The following VPS35 variants were observed in gnomAD, a reference collection of about 807,000 sequenced individuals.
VPS35 encodes the protein vacuolar protein sorting-associated protein 35.
In VPS35, 21 loss-of-function variants were observed where a neutral mutation model predicts 98.1. That is an observed-to-expected ratio of 0.21 (90% CI 0.15 to 0.31). The LOEUF (loss-of-function observed/expected upper bound fraction) is 0.31, where lower values mean the gene tolerates loss of function less well. Ranked by LOEUF, VPS35 falls within the 10% of genes least tolerant of loss-of-function variation. The pLI, the probability that VPS35 is intolerant of heterozygous loss-of-function variation, is 1.00. For synonymous variants in VPS35, 268 were observed against 318.2 expected (o/e 0.84, Z 1.68); for missense variants, 554 against 950.8 (o/e 0.58, Z 5.49).
chr16:46,681,358 C>T lies in VPS35; in HGVS notation c.323+19G>A, dbSNP rs1417149582. 6.2e-7 allele frequency: 1 copy of T among 1,613,224 alleles called. No individual in the cohort carries two copies. The highest frequency in any genetic ancestry group is 1.1e-5 in the South Asian group (1 of 90,996). The stretch of plus-strand genomic sequence containing the variant: ...TGAGAAATACAGACACAAAAGTTCT[C>T]TGATTTGTAATTACTTACAGCCTTG... On this transcript the variant is annotated intron_variant, in intron 4 of 16. Transcript: ENST00000299138.
chr16:46,689,082 G>A, intron 1 of VPS35, 49 bp downstream of exon 1: 1 of 1,598,194 alleles, frequency 6.3e-7, no homozygotes, highest in Non-Finnish European at 8.5e-7. Flanking sequence ...GAGAGAGCAG[G>A]GGCTACAAGG....
At chr16:46,669,220 A>C in intron 12 of VPS35, 168 bp from the exon 13 acceptor site, 2 of 847,112 alleles carry the variant, frequency 2.4e-6, no homozygotes, top group Non-Finnish European at 3.8e-6. Flanking sequence ...TTGTCACAAC[A>C]ACCCAGAGAC....
rs769692526 is a variant in VPS35 at position 46,674,418 on chromosome 16, G to A, written c.1056C>T (p.Val352=). ...MPSEDVVSLQ[V]SLINLAMKCY... is the part of the protein sequence containing the mutation. ...ATTTCATGGCAAGATTAATCAGAGA[G>A]ACTTGTAAAGATACAACATCCTCTG... The change falls in exon 10 of 17, where the codon GTC becomes GTT. Residue 352 remains valine (V), a synonymous_variant. Transcript: ENST00000299138. 8.1e-6 allele frequency: 13 copies of A among 1,613,676 alleles called. No homozygotes were observed. The highest frequency in any genetic ancestry group is 1.0e-5 in the Non-Finnish European group (12 of 1,179,824).
At chr16:46,683,914 G>A (rs1403708792) in intron 1 of VPS35, among the ~76,000 whole-genome samples, 1 of 152,040 alleles carries the variant, frequency 6.6e-6, no homozygotes, top group Admixed American at 6.6e-5. Context: ...TTTTAGTAGA[G>A]ACGGGGTTTC....
chr16:46,677,973 G>C (rs763417915), intron 6 of VPS35, among the ~76,000 whole-genome samples: 2 of 152,100 alleles, frequency 1.3e-5, no homozygotes, highest in Non-Finnish European at 2.9e-5. Flanking sequence ...CAAGGTTCAG[G>C]GTTTTTTGTT....
rs555956898 is a variant in VPS35, at chr16:46,658,887, A to G, written c.*1585T>C. ...GGTTAAGTGATGTAGTCATTTGAAA[A>G]TGTCTATAAATTTTCCCTTTAAGAG... On this transcript the variant is annotated 3_prime_UTR_variant, in exon 17 of 17. Transcript: ENST00000299138. 6.6e-6 allele frequency: 1 copy of G among 152,336 alleles called. No individual in the cohort carries two copies. Among genetic ancestry groups the G allele is most frequent in the Non-Finnish European group, 1.5e-5 (1 of 68,036 alleles). The allele number at this position is 152,336 out of a possible 1,614,324, so 9.4% of individuals were successfully genotyped here. A position where few individuals can be genotyped will look rare whatever the true frequency, so the allele number is the denominator to read the frequency against.
At chr16:46,662,628 C>A in intron 14 of VPS35, 146 bp from the exon 15 acceptor site, 1 of 1,306,596 alleles carries the variant, frequency 7.7e-7, no homozygotes, top group Non-Finnish European at 1.1e-6. Flanking sequence ...TTGAGAGCCA[C>A]AGGACACAAC....
At chr16:46,686,103 C>T (rs1414243452) in intron 1 of VPS35, among the ~76,000 whole-genome samples, 1 of 152,100 alleles carries the variant, frequency 6.6e-6, no homozygotes, top group Non-Finnish European at 1.5e-5. Context: ...TTTGACTACT[C>T]TATATACTTC....
Position 46,683,357 on chromosome 16 carries a change from A to G in VPS35, c.102+151T>C, listed in dbSNP as rs1966261668. ...CAGGGCTCTTTGTTGAAATTGCTCCACAAAGTGCTTGAGGGAGATGAGACT... is the reference window on the plus strand; with the variant it reads ...CAGGGCTCTTTGTTGAAATTGCTCCGCAAAGTGCTTGAGGGAGATGAGACT... On this transcript the variant is annotated intron_variant, in intron 2 of 16. Transcript: ENST00000299138. The G allele has an allele frequency of 4.0e-6, 3 of 752,254 alleles. No homozygotes were observed. The South Asian group carries it at 4.7e-5, about 12-fold the overall frequency. The allele number at this position is 752,254 out of a possible 1,614,324, so 46.6% of individuals were successfully genotyped here.
chr16:46,661,511 T>G lies in VPS35; in HGVS notation c.2211+207A>C. On this transcript the variant is annotated intron_variant, in intron 16 of 16. Transcript: ENST00000299138. The surrounding 1 kb of genome is among the most constrained non-coding windows in gnomAD (Gnocchi z 4.3). ...TCCCAAAGTGCTGGGATTACAGGCATGAGCCACCACGCCCAGCCTAGGAAT... is the reference window on the plus strand; with the variant it reads ...TCCCAAAGTGCTGGGATTACAGGCAGGAGCCACCACGCCCAGCCTAGGAAT... 8.0e-6 allele frequency: 4 copies of G among 497,348 alleles called. No individual in the cohort carries two copies. Among genetic ancestry groups the G allele is most frequent in the Non-Finnish European group, 1.4e-5 (4 of 287,192 alleles). 30.8% of individuals were successfully genotyped at this position (497,348 alleles called of 1,614,324 possible).
intron 8 of VPS35, among the ~76,000 whole-genome samples, chr16:46,675,750 C>T (rs1443222419): frequency 1.3e-5 from 2 of 152,130 alleles, no homozygotes; most frequent in Admixed American, 1.3e-4. Context: ...TCATATACTA[C>T]TACATAACAT....
intron 2 of VPS35, 60 bp downstream of exon 2, chr16:46,683,448 G>T: frequency 1.4e-6 from 2 of 1,476,424 alleles, no homozygotes; most frequent in Non-Finnish European, 1.9e-6. Context: ...AGAAGACACT[G>T]CACATGCTTC....
rs545490118 is a variant in VPS35, at chr16:46,659,092, G to A, written c.*1380C>T. The A allele has an allele frequency of 2.0e-5, 3 of 152,456 alleles. No homozygotes were observed. The East Asian group carries it at 5.8e-4, about 29-fold the overall frequency. 9.4% of individuals were successfully genotyped at this position (152,456 alleles called of 1,614,324 possible). On this transcript the variant is annotated 3_prime_UTR_variant, in exon 17 of 17. Transcript: ENST00000299138. ...CACCATGCTGTGAGGACACTCTATG[G>A]AAGGGCCGTCAAGGAGAGGAACTGG...
chr16:46,681,950 G>A (rs1966241540), intron 3 of VPS35, 129 bp downstream of exon 3: 1 of 703,300 alleles, frequency 1.4e-6, no homozygotes, highest in Non-Finnish European at 2.6e-6. Context: ...CATGGAGAAG[G>A]AGTGCCATGT....
Position 46,674,597 on chromosome 16 carries a change from A to G in VPS35, c.978T>C (p.Asp326=), listed in dbSNP as rs756040992. Residue 326 remains aspartate (D), a synonymous_variant, in exon 9 of 17, where the codon GAT becomes GAC. Transcript: ENST00000299138. ...CTGTAGCCACCTGCTGTGAAAATATATCAAAAAGTTTAATATCCGCTGGGA... is the reference window on the plus strand; with the variant it reads ...CTGTAGCCACCTGCTGTGAAAATATGTCAAAAAGTTTAATATCCGCTGGGA... The part of the protein sequence containing the change: ...PGIPADIKLF[D]IFSQQVATVI... 3 of 1,612,718 alleles carry G rather than the reference A, an allele frequency of 1.9e-6. No homozygotes were observed. The East Asian group carries it at 6.7e-5, about 36-fold the overall frequency.
At chr16:46,669,882 A>T (rs531642671) in intron 12 of VPS35, among the ~76,000 whole-genome samples, 1 of 152,322 alleles carries the variant, frequency 6.6e-6, no homozygotes, top group African/African-American at 2.4e-5. Context: ...CACAAGGCAT[A>T]AGCTCAGTAA....
At chr16:46,679,297 T>A (rs748556717) in intron 5 of VPS35, 141 bp from the exon 6 acceptor site, 80 of 806,104 alleles carry the variant, frequency 9.9e-5, no homozygotes, top group Non-Finnish European at 1.4e-4. Context: ...TGGCTTAGTG[T>A]TAAATTTCAA....
In VPS35 at chr16:46,660,551, T is replaced by C; in HGVS notation, c.2312A>G (p.His771Arg). 1 of 1,614,128 alleles carries C rather than the reference T, an allele frequency of 6.2e-7. No homozygotes were observed. The highest frequency in any genetic ancestry group is 8.5e-7 in the Non-Finnish European group (1 of 1,180,034). Residue 771 changes from histidine (H) to arginine (R), a missense_variant, in exon 17 of 17, where the codon CAT (histidine) becomes CGT (arginine). By Grantham distance (29) the His-to-Arg change is conservative. Around this residue, in one of 5 missense-constraint regions of VPS35, gnomAD observed 153 missense variants for 211.0 expected, o/e 0.73. Transcript: ENST00000299138. ...EETEQINKHF[H>R]NTLEHLRLRR... is the part of the protein sequence containing the mutation. ...CAAGCGCAAATGCTCCAGTGTGTTATGAAAATGTTTGTTAATCTGCTCTGT... is the reference window on the plus strand; with the variant it reads ...CAAGCGCAAATGCTCCAGTGTGTTACGAAAATGTTTGTTAATCTGCTCTGT...
In VPS35 at chr16:46,656,331, T is replaced by C. The variant is rs1259692768; in HGVS notation, c.*4141A>G. 2.0e-5 allele frequency: 3 copies of C among 152,228 alleles called. No individual in the cohort carries two copies. The highest frequency in any genetic ancestry group is 7.2e-5 in the African/African-American group (3 of 41,456). The allele number at this position is 152,228 out of a possible 1,614,324, so 9.4% of individuals were successfully genotyped here. ...ATGGACTTTAGTTTTGGGAGCAGACTTGAATTGCAGAACTGAAGTTACAAT... is the reference window on the plus strand; with the variant it reads ...ATGGACTTTAGTTTTGGGAGCAGACCTGAATTGCAGAACTGAAGTTACAAT... On this transcript the variant is annotated 3_prime_UTR_variant, in exon 17 of 17. Coordinates refer to ENST00000299138, the MANE Select transcript of VPS35 (RefSeq NM_018206.6).
Sources: allele counts gnomAD v4.1 joint callset (sites outside exome capture counted in the v4.1 genomes callset), GRCh38; gene constraint gnomAD v4.1.1; regional missense constraint gnomAD v4.1.1; non-coding constraint Gnocchi (gnomAD v3.1); transcripts MANE v1.5; gene names NCBI Gene and HGNC (gene_info 2026-07-23, HGNC 2026-07-21).